The following SEMA5A variants were observed in gnomAD, a reference collection of about 807,000 sequenced individuals.
The protein encoded by SEMA5A is semaphorin 5A, also known as semaphorin-5A.
A neutral mutation model predicts 135.5 loss-of-function variants in SEMA5A; 55 were observed. The ratio of observed to expected loss-of-function variants is 0.41; its 90% confidence interval spans 0.33 to 0.51. SEMA5A has a LOEUF of 0.51. Ranked by LOEUF, SEMA5A falls within the 20% of genes least tolerant of loss-of-function variation. The pLI, the probability that SEMA5A is intolerant of heterozygous loss-of-function variation, is 0.37. For missense variants in SEMA5A, 1,290 were observed against 1,419.9 expected (o/e 0.91, Z 1.47); for synonymous variants, 580 against 546.5 (o/e 1.06, Z -0.85).
chr5:9,141,399 T>C (rs1260577251), intron 12 of SEMA5A, among the ~76,000 whole-genome samples: 1 of 152,240 alleles, frequency 6.6e-6, no homozygotes, highest in Non-Finnish European at 1.5e-5. Context: ...CATCATTTTG[T>C]ACCCCATAAA....
At chr5:9,336,328 G>A (rs1753390454) in intron 4 of SEMA5A, among the ~76,000 whole-genome samples, 1 of 152,138 alleles carries the variant, frequency 6.6e-6, no homozygotes, top group South Asian at 2.1e-4. Context: ...ACCACACCAG[G>A]GAGACAGCTT....
chr5:9,096,333 C>T (rs1450102521), intron 16 of SEMA5A, among the ~76,000 whole-genome samples: 2 of 152,164 alleles, frequency 1.3e-5, no homozygotes, highest in African/African-American at 4.8e-5. Flanking sequence ...TGACCTATAT[C>T]TCCTCATTCC....
chr5:9,500,041 A>G (rs1379827453), intron 1 of SEMA5A, among the ~76,000 whole-genome samples: 5 of 152,220 alleles, frequency 3.3e-5, no homozygotes, highest in Non-Finnish European at 7.3e-5. Context: ...TCCATCTGTT[A>G]CTCATATTTT....
intron 1 of SEMA5A, among the ~76,000 whole-genome samples, chr5:9,521,980 C>T (rs533850288): frequency 2.6e-5 from 4 of 152,138 alleles, no homozygotes; most frequent in Non-Finnish European, 5.9e-5. Flanking sequence ...CACTGAGAGG[C>T]TCCACCTGAT....
At chr5:9,171,218 G>A (rs1383542147) in intron 11 of SEMA5A, among the ~76,000 whole-genome samples, 2 of 152,100 alleles carry the variant, frequency 1.3e-5, no homozygotes, top group Non-Finnish European at 2.9e-5. Context: ...GGGTTGAGTT[G>A]GTGTTTGACA....
chr5:9,314,659 T>C (rs1691243447), intron 5 of SEMA5A, among the ~76,000 whole-genome samples: 1 of 151,364 alleles, frequency 6.6e-6, no homozygotes, highest in Non-Finnish European at 1.5e-5. Flanking sequence ...AAAATATTCA[T>C]AGAAACCAAC....
At chr5:9,422,596 T>C (rs577484109) in intron 2 of SEMA5A, 8 of 152,324 alleles carry the variant, frequency 5.3e-5, no homozygotes, top group Middle Eastern at 3.4e-3. Context: ...ACTAGTTTCT[T>C]ACATTTCCAT....
At chr5:9,521,368 C>T (rs1330064360) in intron 1 of SEMA5A, among the ~76,000 whole-genome samples, 1 of 152,028 alleles carries the variant, frequency 6.6e-6, no homozygotes, top group East Asian at 1.9e-4. Flanking sequence ...GGAGATCACG[C>T]CACTGCATTC....
chr5:9,077,164 C>T (rs1738113976), intron 16 of SEMA5A, among the ~76,000 whole-genome samples: 1 of 152,122 alleles, frequency 6.6e-6, no homozygotes, highest in Non-Finnish European at 1.5e-5. Context: ...TACCTCCCAA[C>T]AAAGGCCATA....
intron 5 of SEMA5A, among the ~76,000 whole-genome samples, chr5:9,294,516 C>T (rs938355682): frequency 6.6e-6 from 1 of 152,232 alleles, no homozygotes; most frequent in Non-Finnish European, 1.5e-5. Flanking sequence ...ATGTCAACAC[C>T]TATTGTGCTG....
chr5:9,457,442 A>C (rs1758881265), intron 1 of SEMA5A, among the ~76,000 whole-genome samples: 1 of 152,212 alleles, frequency 6.6e-6, no homozygotes, highest in Non-Finnish European at 1.5e-5. Context: ...GGTTCCAACA[A>C]TATGCATACC....
chr5:9,179,166 A>G (rs909196225), intron 11 of SEMA5A, among the ~76,000 whole-genome samples: 1 of 152,216 alleles, frequency 6.6e-6, no homozygotes, highest in Non-Finnish European at 1.5e-5. Flanking sequence ...GGGAACAGGA[A>G]TCCACTGGGC....
chr5:9,519,979 C>T (rs963653087), intron 1 of SEMA5A: 1 of 152,168 alleles, frequency 6.6e-6, no homozygotes, highest in Non-Finnish European at 1.5e-5. Context: ...CTGTGTAAAG[C>T]AAAGTGAAAA....
chr5:9,236,700 A>C (rs559981157), intron 6 of SEMA5A, among the ~76,000 whole-genome samples: 26 of 152,112 alleles, frequency 1.7e-4, no homozygotes, highest in Admixed American at 5.9e-4. Flanking sequence ...TCTGCGGTTA[A>C]ATATCTTCCA....
chr5:9,252,813 A>G (rs1416751170), intron 5 of SEMA5A, among the ~76,000 whole-genome samples: 1 of 152,194 alleles, frequency 6.6e-6, no homozygotes, highest in East Asian at 1.9e-4. Flanking sequence ...CCTTTCTTAT[A>G]CAGCTCAGAG....
chr5:9,176,425 T>C (rs1317826791), intron 11 of SEMA5A, among the ~76,000 whole-genome samples: 2 of 152,206 alleles, frequency 1.3e-5, no homozygotes, highest in East Asian at 1.9e-4. Flanking sequence ...ACTGCAGCCC[T>C]AGCTGGCATC....
chr5:9,057,901 G>T (rs539097712), intron 18 of SEMA5A, among the ~76,000 whole-genome samples: 126 of 152,262 alleles, frequency 8.3e-4, no homozygotes, highest in Middle Eastern at 3.4e-3. Flanking sequence ...GTAGGATATT[G>T]ATTATTGTAC....
At chr5:9,211,593 T>C (rs955347768) in intron 8 of SEMA5A, among the ~76,000 whole-genome samples, 1 of 152,120 alleles carries the variant, frequency 6.6e-6, no homozygotes, top group Non-Finnish European at 1.5e-5. Context: ...GCTCAGGCTG[T>C]TCAGAGTCAG....
rs113749532 is a variant in SEMA5A at position 9,118,498 on chromosome 5, G to T, written c.1925+500C>A. On this transcript the variant is annotated intron_variant, in intron 15 of 22. Coordinates refer to ENST00000382496, the MANE Select transcript of SEMA5A (RefSeq NM_003966.3). ...CACGTGGAAAAGAGCCCCCAATTTG[G>T]GTTGTGCTGCAGCTTCATTGAGGGT... Among the ~76,000 whole-genome samples the T allele has an allele frequency of 5.2e-3, 798 of 152,226 alleles. 11 individuals are homozygous for T. The highest frequency in any genetic ancestry group is 0.018 in the African/African-American group (767 of 41,522).
Sources: gnomAD v4.1 joint callset for allele counts (sites outside exome capture counted in the v4.1 genomes callset) on GRCh38, gnomAD v4.1.1 for gene constraint, MANE v1.5 for transcripts, NCBI Gene and HGNC (gene_info 2026-07-23, HGNC 2026-07-21) for gene names.